The following SDF4 variants were observed in gnomAD, a reference collection of about 807,000 sequenced individuals.
SDF4 encodes stromal cell derived factor 4, also known as 45 kDa calcium-binding protein.
In SDF4, 22 loss-of-function variants were observed where a neutral mutation model predicts 34.2. The observed-to-expected ratio is 0.64, with a 90% CI of 0.46 to 0.92. The LOEUF is 0.92. SDF4 is among the 40% of genes least tolerant of loss of function. SDF4 has a pLI of 0.00. For missense variants in SDF4, 447 were observed against 499.9 expected (o/e 0.89, Z 1.01); for synonymous variants, 236 against 203.1 (o/e 1.16, Z -1.38).
Position 1,226,527 on chromosome 1 carries a change from CCAGAGGAGA to C in SDF4, c.305+1932_305+1940del, listed in dbSNP as rs1214123368. 3.3e-5 allele frequency among the ~76,000 whole-genome samples: 5 copies of C among 152,216 alleles called. No homozygotes were observed. In the East Asian group the frequency reaches 7.7e-4, roughly 23 times the overall value. ...GGAGAGTCTGAGACACCGTTCCAGC[CCAGAGGAGA>C]CAGAGGAGACAGGACAGCTGAGTGA... is the stretch of plus-strand genomic sequence containing the variant. On this transcript the variant is annotated intron_variant, in intron 2 of 6. Coordinates refer to ENST00000360001, the MANE Select transcript of SDF4 (RefSeq NM_016176.6).
intron 4 of SDF4, chr1:1,223,030 A>AGC (rs1650059051): frequency 1.7e-6 from 1 of 581,584 alleles, no homozygotes; most frequent in East Asian, 3.0e-5. Context: ...TGTACTCACG[A>AGC]GCACACACAC....
In SDF4 at chr1:1,228,504, C is replaced by T. The variant is rs369730325; in HGVS notation, c.269G>A (p.Arg90Gln). The T allele has an allele frequency of 9.4e-5, 151 of 1,609,482 alleles. No individual in the cohort carries two copies. Among genetic ancestry groups the T allele is most frequent in the South Asian group, 3.3e-4 (30 of 91,002 alleles). Residue 90 changes from arginine (R) to glutamine (Q), a missense_variant, in exon 2 of 7, where the codon CGG becomes CAG. By Grantham distance (43) the Arg-to-Gln change is conservative (BLOSUM62 1). Coordinates refer to ENST00000360001, the MANE Select transcript of SDF4 (RefSeq NM_016176.6). ...LGGFDEDAEP[R>Q]RSRRKLMVIF... The stretch of plus-strand genomic sequence containing the variant: ...GACCATCAGCTTCCTCCGGCTCCGC[C>T]GCGGCTCCGCGTCCTCATCAAAGCC...
chr1:1,218,719 C>T lies in SDF4; in HGVS notation c.715+50G>A. 6.2e-7 allele frequency: 1 copy of T among 1,611,898 alleles called. No homozygotes were observed. Among genetic ancestry groups the T allele is most frequent in the Non-Finnish European group, 8.5e-7 (1 of 1,178,876 alleles). On this transcript the variant is annotated intron_variant, in intron 5 of 6. Coordinates refer to ENST00000360001, the MANE Select transcript of SDF4 (RefSeq NM_016176.6). This position sits in a 1 kb window ranked among gnomAD's most constrained non-coding sequence, Gnocchi z 7.9. ...ACCTCCCGACGATGCCCGGCCCCTG[C>T]CAGTCGGTCCTGGGTCCTGGCGTGC...
At chr1:1,229,331 G>C (rs904031965) in intron 1 of SDF4, among the ~76,000 whole-genome samples, 2 of 152,106 alleles carry the variant, frequency 1.3e-5, no homozygotes, top group Non-Finnish European at 1.5e-5. Flanking sequence ...CTCAGCCACC[G>C]GAGCAGCTGC....
chr1:1,229,508 G>C (rs557684267), intron 1 of SDF4, among the ~76,000 whole-genome samples: 43 of 152,278 alleles, frequency 2.8e-4, no homozygotes, highest in African/African-American at 9.9e-4. Flanking sequence ...CACTGTGCCC[G>C]GTCTTTTTTT....
Position 1,218,801 on chromosome 1 carries a change from C to T in SDF4, c.683G>A (p.Arg228Lys), listed in dbSNP as rs752950531. ...LHPEHSRGMLRFMVKEIVRDL... is the reference protein window; with the variant it reads ...LHPEHSRGMLKFMVKEIVRDL... ...CCGGACGATCTCCTTCACCATGAAC[C>T]TGAGCATTCCCCGGCTGTGCTCGGG... Residue 228 changes from arginine to lysine, a missense_variant, in exon 5 of 7, where the codon AGG becomes AAG. Coordinates refer to ENST00000360001, the MANE Select transcript of SDF4 (RefSeq NM_016176.6). The surrounding 1 kb of genome is among the most constrained non-coding windows in gnomAD (Gnocchi z 7.9). 2.5e-6 allele frequency: 4 copies of T among 1,610,574 alleles called. No individual in the cohort carries two copies. The highest frequency in any genetic ancestry group is 2.7e-5 in the African/African-American group (2 of 74,896).
intron 3 of SDF4, 111 bp from the exon 4 acceptor site, chr1:1,223,468 C>T (rs1234730619): frequency 2.4e-5 from 20 of 831,300 alleles, no homozygotes; most frequent in Non-Finnish European, 3.8e-5. Context: ...AGGATGCCAG[C>T]GTCTGGAGCC....
chr1:1,231,160 C>T (rs1433700662), intron 1 of SDF4, among the ~76,000 whole-genome samples: 1 of 152,244 alleles, frequency 6.6e-6, no homozygotes, highest in Non-Finnish European at 1.5e-5. Context: ...AGTGGCGCTT[C>T]CTCTCCTGGC....
chr1:1,225,734 G>T (rs1049354204), intron 2 of SDF4, among the ~76,000 whole-genome samples: 29 of 119,522 alleles, frequency 2.4e-4, no homozygotes, highest in Admixed American at 1.9e-3. Context: ...ACAGACACGG[G>T]CCACACACTC....
At position 1,225,656 on chromosome 1, in the gene SDF4, G is replaced by A. The variant is rs1557519685; in HGVS notation, c.306-1688C>T. On this transcript the variant is annotated intron_variant, in intron 2 of 6. Transcript: ENST00000360001. ...CACCTGGTGGGTCTCACGTGGACAC[G>A]TGCATCCTCGAATGCTCCGGTCACG... is the stretch of plus-strand genomic sequence containing the variant. Among the ~76,000 whole-genome samples the A allele has an allele frequency of 2.6e-5, 4 of 152,108 alleles. No individual in the cohort carries two copies. The South Asian group carries it at 8.3e-4, about 31-fold the overall frequency.
intron 4 of SDF4, chr1:1,220,601 A>G: frequency 7.8e-7 from 1 of 1,288,642 alleles, no homozygotes; most frequent in East Asian, 5.6e-5. Context: ...TGGGCAGGGA[A>G]CAGCACCTCA....
chr1:1,225,659 C>T (rs1449606797), intron 2 of SDF4, among the ~76,000 whole-genome samples: 1 of 152,122 alleles, frequency 6.6e-6, no homozygotes, highest in Non-Finnish European at 1.5e-5. Flanking sequence ...TGGACACGTG[C>T]ATCCTCGAAT....
In SDF4 at chr1:1,217,312, C is replaced by T. The variant is rs566664519; in HGVS notation, c.*200G>A. 12 of 272,764 alleles carry T rather than the reference C, an allele frequency of 4.4e-5. No individual in the cohort carries two copies. In the South Asian group the frequency reaches 1.1e-3, roughly 25 times the overall value. 16.9% of individuals were successfully genotyped at this position (272,764 alleles called of 1,614,324 possible). ...GGGGCCACAGCCCAGCCCCGCGCCC[C>T]GACCGCGTCACAGCCAAAGCCCCGC... On this transcript the variant is annotated 3_prime_UTR_variant, in exon 7 of 7. Transcript: ENST00000360001. This position sits in a 1 kb window ranked among gnomAD's most constrained non-coding sequence, Gnocchi z 8.5.
At chr1:1,229,167 G>A (rs1050335735) in intron 1 of SDF4, among the ~76,000 whole-genome samples, 3 of 151,906 alleles carry the variant, frequency 2.0e-5, no homozygotes, top group Admixed American at 6.5e-5. Flanking sequence ...CGTGGCATTT[G>A]TTTTCTCCGG....
At chr1:1,219,037 C>CCGGGG in intron 4 of SDF4, 110 bp from the exon 5 acceptor site, 1 of 1,603,810 alleles carries the variant, frequency 6.2e-7, no homozygotes, top group Non-Finnish European at 8.5e-7. Context: ...ACCCGCGAGA[C>CCGGGG]CGGGGCCCCA....
At chr1:1,223,675 G>A (rs916078431) in intron 3 of SDF4, among the ~76,000 whole-genome samples, 157 bp downstream of exon 3, 10 of 152,206 alleles carry the variant, frequency 6.6e-5, no homozygotes, top group Non-Finnish European at 1.5e-4. Flanking sequence ...CATGAACCCA[G>A]CTTCCGTGCA....
At chr1:1,228,388 C>G (rs999485548) in intron 2 of SDF4, 80 bp downstream of exon 2, 6 of 1,431,480 alleles carry the variant, frequency 4.2e-6, no homozygotes, top group Non-Finnish European at 5.6e-6. Context: ...CGGCGCCCCC[C>G]ACCGCGCAAA....
intron 4 of SDF4, chr1:1,220,796 G>C: frequency 7.8e-7 from 1 of 1,275,618 alleles, no homozygotes; most frequent in Non-Finnish European, 1.0e-6. Context: ...GTTGGGGGGC[G>C]GGCACGGGCA....
Position 1,217,673 on chromosome 1 carries a change from T to C in SDF4, c.907A>G (p.Met303Val), listed in dbSNP as rs989656770. The change falls in exon 7 of 7, where the codon ATG becomes GTG. Residue 303 changes from methionine to valine, a missense_variant. Transcript: ENST00000360001. The surrounding 1 kb of genome is among the most constrained non-coding windows in gnomAD (Gnocchi z 8.5). ...TCGTTCAGCGCGTTGTACTCGTTCA[T>C]GGGGTCCATGTAGCTCTGCGGGCGA... Reference protein sequence around the residue: ...AEELESYMDPMNEYNALNEAK... With the variant: ...AEELESYMDPVNEYNALNEAK... 1 of 1,613,834 alleles carries C rather than the reference T, an allele frequency of 6.2e-7. No individual in the cohort carries two copies. The highest frequency in any genetic ancestry group is 8.5e-7 in the Non-Finnish European group (1 of 1,179,942).
Sources: gnomAD v4.1 joint callset for allele counts (sites outside exome capture counted in the v4.1 genomes callset) on GRCh38, gnomAD v4.1.1 for gene constraint, Gnocchi (gnomAD v3.1) non-coding constraint, MANE v1.5 for transcripts, NCBI Gene and HGNC (gene_info 2026-07-23, HGNC 2026-07-21) for gene names.